The following ZDHHC5 variants were observed in gnomAD, a reference collection of about 807,000 sequenced individuals.
ZDHHC5 encodes zDHHC palmitoyltransferase 5.
ZDHHC5 carries 22 observed loss-of-function variants against 70.0 expected under a neutral mutation model. The ratio of observed to expected loss-of-function variants is 0.31; its 90% CI spans 0.22 to 0.45. The LOEUF (loss-of-function observed/expected upper bound fraction) is 0.45, where lower values mean the gene tolerates loss of function less well. ZDHHC5 is among the 20% of genes least tolerant of loss of function. The probability of loss-of-function intolerance (pLI) is 1.00; values close to 1 mark genes in which losing one functional copy is unlikely to be tolerated. For missense variants in ZDHHC5, 746 were observed against 926.9 expected (o/e 0.80, Z 2.53); for synonymous variants, 313 against 347.8 (o/e 0.90, Z 1.11).
chr11:57,693,452 G>A (rs973299575), intron 7 of ZDHHC5, among the ~76,000 whole-genome samples: 4 of 152,252 alleles, frequency 2.6e-5, no homozygotes, highest in South Asian at 2.1e-4. Context: ...ACTGGTCTGC[G>A]GCCCAGGGGT....
At chr11:57,669,514 GGCT>G (rs1945974853) in intron 1 of ZDHHC5, among the ~76,000 whole-genome samples, 1 of 152,104 alleles carries the variant, frequency 6.6e-6, no homozygotes. Context: ...GGAGTGCAGT[GGCT>G]GCTATCTTGG....
chr11:57,674,376 T>G (rs898372301), intron 2 of ZDHHC5, among the ~76,000 whole-genome samples: 1 of 151,950 alleles, frequency 6.6e-6, no homozygotes, highest in African/African-American at 2.4e-5. Flanking sequence ...CTGTTACCTG[T>G]TTATAAATTA....
chr11:57,671,318 T>G (rs1946003633), intron 1 of ZDHHC5, among the ~76,000 whole-genome samples: 1 of 152,230 alleles, frequency 6.6e-6, no homozygotes, highest in South Asian at 2.1e-4. Flanking sequence ...GAAATAATTG[T>G]TACTTTTAAT....
intron 3 of ZDHHC5, 43 bp downstream of exon 3, chr11:57,682,586 GA>G (rs758920436): frequency 6.3e-6 from 10 of 1,598,192 alleles, no homozygotes; most frequent in Non-Finnish European, 7.7e-6. Flanking sequence ...CACTGCCTTT[GA>G]AAAATAATGA....
intron 4 of ZDHHC5, 83 bp downstream of exon 4, chr11:57,688,748 A>T (rs1946243754): frequency 1.4e-6 from 2 of 1,454,194 alleles, no homozygotes; most frequent in South Asian, 1.5e-5. Context: ...TTAGCTTTGG[A>T]TGTGGTATAG....
chr11:57,673,298 G>A, intron 2 of ZDHHC5, 104 bp downstream of exon 2: 1 of 1,076,756 alleles, frequency 9.3e-7, no homozygotes, highest in Non-Finnish European at 1.4e-6. Flanking sequence ...GACTGAGAGG[G>A]CTCAGCGTCT....
At chr11:57,674,316 G>GTTTTTTTTTTT (rs34645509) in intron 2 of ZDHHC5, among the ~76,000 whole-genome samples, 11 of 140,932 alleles carry the variant, frequency 7.8e-5, no homozygotes, top group Non-Finnish European at 9.2e-5. Flanking sequence ...TTTTTCCTCA[G>GTTTTTTTTTTT]TTTTTTTTTT....
At position 57,668,577 on chromosome 11, in the gene ZDHHC5, C is replaced by T. The variant is rs117517505; in HGVS notation, c.-1071+390C>T. 9.7e-3 allele frequency: 1,486 copies of T among 152,452 alleles called. 27 individuals are homozygous for T. The highest frequency in any genetic ancestry group is 9.5e-3 in the Non-Finnish European group (650 of 68,116). The allele number at this position is 152,452 out of a possible 1,614,324, so 9.4% of individuals were successfully genotyped here. A position where few individuals can be genotyped will look rare whatever the true frequency, so the allele number is the denominator to read the frequency against. ...ATTCCTTCTTTTCGGTTTCAGCGGT[C>T]GTCAGCCCTGCCCCAACGGGTGATT... On this transcript the variant is annotated intron_variant, in intron 1 of 11. Transcript: ENST00000287169.
chr11:57,668,178 G>A lies in ZDHHC5; in HGVS notation c.-1080G>A. ...AACGACGGCGGTGGTGACGGGCACC[G>A]GGCTCGCGGGTGAGTGCGGAGGACA... On this transcript the variant is annotated 5_prime_UTR_variant, in exon 1 of 12. Transcript: ENST00000287169. 2.7e-6 allele frequency: 1 copy of A among 366,616 alleles called. No individual in the cohort carries two copies. Among genetic ancestry groups the A allele is most frequent in the Non-Finnish European group, 4.9e-6 (1 of 205,722 alleles). The allele number at this position is 366,616 out of a possible 1,614,324, so 22.7% of individuals were successfully genotyped here.
At chr11:57,696,068 A>T in intron 9 of ZDHHC5, 25 bp downstream of exon 9, 1 of 1,600,456 alleles carries the variant, frequency 6.2e-7, no homozygotes, top group South Asian at 1.1e-5. Flanking sequence ...GATTTGCAAG[A>T]TACTAGAACT....
chr11:57,685,214 C>G lies in ZDHHC5; in HGVS notation c.226+2671C>G, dbSNP rs17152039. 6.2e-3 allele frequency among the ~76,000 whole-genome samples: 948 copies of G among 152,282 alleles called. 16 individuals carry two copies. The highest frequency in any genetic ancestry group is 0.022 in the African/African-American group (902 of 41,544). ...CATCATTGTGCTTTGTTTGTGACTT[C>G]CCTTCAAAGATTGGGTGAGGGAAAA... On this transcript the variant is annotated intron_variant, in intron 3 of 11. Transcript: ENST00000287169.
chr11:57,690,547 T>G (rs958855809), intron 6 of ZDHHC5, 110 bp downstream of exon 6: 69 of 1,156,770 alleles, frequency 6.0e-5, no homozygotes, highest in Non-Finnish European at 8.8e-5. Context: ...TGAATACTTT[T>G]CATGATTATG....
chr11:57,692,745 C>CT, intron 7 of ZDHHC5, 43 bp downstream of exon 7: 1 of 1,600,616 alleles, frequency 6.2e-7, no homozygotes, highest in Non-Finnish European at 8.5e-7. Flanking sequence ...TTGGTCAGAA[C>CT]TTTTATCTTC....
At chr11:57,689,174 C>G (rs553737843) in intron 4 of ZDHHC5, among the ~76,000 whole-genome samples, 27 of 152,138 alleles carry the variant, frequency 1.8e-4, no homozygotes, top group Admixed American at 3.9e-4. Flanking sequence ...AGTTGTTTTC[C>G]TGCCTGTCCT....
In ZDHHC5 at chr11:57,698,723, C is replaced by T. The variant is rs1429704833; in HGVS notation, c.1287C>T (p.Ser429=). Residue 429 remains serine, a synonymous_variant, in exon 11 of 12, where the codon AGC becomes AGT. Transcript: ENST00000287169. ...DPLSSGSRSS[S]LKSAQGTGFE... is the part of the protein sequence containing the mutation. ...TATCCAGTGGCTCACGCTCCTCCAG[C>T]CTCAAGTCAGCCCAGGGCACAGGCT... The T allele has an allele frequency of 4.3e-6, 7 of 1,614,242 alleles. No homozygotes were observed. The highest frequency in any genetic ancestry group is 5.9e-6 in the Non-Finnish European group (7 of 1,180,056).
chr11:57,699,348 A>G lies in ZDHHC5; in HGVS notation c.1912A>G (p.Ser638Gly). ...ATACCTGGGCCGATCGATGTCTTAC[A>G]GCAGCCAAAAAGCCCAACCTGGTGT... Reference protein sequence around the residue: ...APYLGRSMSYSSQKAQPGVSE... With the variant: ...APYLGRSMSYGSQKAQPGVSE... The change falls in exon 11 of 12, where the codon AGC becomes GGC. Residue 638 changes from serine (S) to glycine (G), a missense_variant. Ser to Gly is a moderately conservative substitution (Grantham distance 56). Transcript: ENST00000287169. 7 of 1,610,616 alleles carry G rather than the reference A, an allele frequency of 4.3e-6. No individual in the cohort carries two copies. The highest frequency in any genetic ancestry group is 5.9e-6 in the Non-Finnish European group (7 of 1,178,024).
At chr11:57,699,814 C>T (rs1946416238) in intron 11 of ZDHHC5, 52 bp from the exon 12 acceptor site, 2 of 1,608,632 alleles carry the variant, frequency 1.2e-6, no homozygotes, top group Non-Finnish European at 1.7e-6. Flanking sequence ...TCTCCCTTTC[C>T]AATGTTTTCT....
chr11:57,690,135 G>A lies in ZDHHC5; in HGVS notation c.489G>A (p.Val163=), dbSNP rs755240484. 5.6e-6 allele frequency: 9 copies of A among 1,613,890 alleles called. No individual in the cohort carries two copies. The highest frequency in any genetic ancestry group is 6.8e-6 in the Non-Finnish European group (8 of 1,180,026). Residue 163 remains valine (V), a synonymous_variant, in exon 5 of 12, where the codon GTG becomes GTA. Transcript: ENST00000287169. The part of the protein sequence containing the change: ...LLSLTAHIMG[V]FGFGLLYVLY... ...CCCTGACAGCCCACATTATGGGTGT[G>A]TTTGGCTTTGGCCTCCTTTATGTCC...
At chr11:57,689,937 T>A in intron 4 of ZDHHC5, 94 bp from the exon 5 acceptor site, 1 of 1,430,680 alleles carries the variant, frequency 7.0e-7, no homozygotes, top group Non-Finnish European at 9.6e-7. Flanking sequence ...GTGACCATGA[T>A]CAAAACTTAG....
Sources: gnomAD v4.1 joint callset for allele counts (sites outside exome capture counted in the v4.1 genomes callset) on GRCh38, gnomAD v4.1.1 for gene constraint, MANE v1.5 for transcripts, NCBI Gene and HGNC (gene_info 2026-07-23, HGNC 2026-07-21) for gene names.